SDK2: variants seen among roughly 807,000 people sequenced by gnomAD.
SDK2 encodes protein sidekick-2.
SDK2 carries 105 observed loss-of-function variants against 253.9 expected under a neutral mutation model. The ratio of observed to expected loss-of-function variants is 0.41; its 90% CI spans 0.35 to 0.49. SDK2 has a LOEUF of 0.49. Among genes scored for constraint, SDK2 ranks in the 20% least tolerant of loss-of-function variants. The pLI is 0.06. For synonymous variants in SDK2, 1,249 were observed against 1,234.9 expected (o/e 1.01, Z -0.24); for missense variants, 2,608 against 3,003.0 (o/e 0.87, Z 3.07).
rs538830496 is a variant in SDK2, at chr17:73,362,898, G to C, written c.5306-1053C>G. Among the ~76,000 whole-genome samples the C allele has an allele frequency of 4.0e-3, 616 of 152,364 alleles. 3 individuals are homozygous for C. The highest frequency in any genetic ancestry group is 6.9e-3 in the Non-Finnish European group (471 of 68,040). ...GCACGCCAGTCACCAGTGAAAGACA[G>C]GCCTTGCAGCCAATAGGCTGGGCTC... On this transcript the variant is annotated intron_variant, in intron 38 of 44. Transcript: ENST00000392650.
At chr17:73,596,245 G>A (rs1300775772) in intron 1 of SDK2, among the ~76,000 whole-genome samples, 1 of 152,130 alleles carries the variant, frequency 6.6e-6, no homozygotes, top group Non-Finnish European at 1.5e-5. Context: ...GGGAGGCAGT[G>A]GCGACCTCTA....
chr17:73,456,601 G>A (rs1425573968), intron 3 of SDK2, among the ~76,000 whole-genome samples: 2 of 152,162 alleles, frequency 1.3e-5, no homozygotes, highest in African/African-American at 4.8e-5. Context: ...TGCAGACAGC[G>A]TTTCTCTCCT....
At position 73,338,239 on chromosome 17, in the gene SDK2, G is replaced by A; in HGVS notation, c.*348C>T. ...TTCTTCCCTCGGCCACGCCTGCCTGGCGGCCTCCAGTCCTTAGCCTCCGCT... is the reference window on the plus strand; with the variant it reads ...TTCTTCCCTCGGCCACGCCTGCCTGACGGCCTCCAGTCCTTAGCCTCCGCT... On this transcript the variant is annotated 3_prime_UTR_variant, in exon 45 of 45. Coordinates refer to ENST00000392650, the MANE Select transcript of SDK2 (RefSeq NM_001144952.2). This position sits in a 1 kb window ranked among gnomAD's most constrained non-coding sequence, Gnocchi z 5.0. 1 of 422,172 alleles carries A rather than the reference G, an allele frequency of 2.4e-6. No homozygotes were observed. The highest frequency in any genetic ancestry group is 4.6e-6 in the Non-Finnish European group (1 of 218,904). The allele number at this position is 422,172 out of a possible 1,614,324, so 26.2% of individuals were successfully genotyped here. A position where few individuals can be genotyped will look rare whatever the true frequency, so the allele number is the denominator to read the frequency against.
chr17:73,458,283 C>G (rs933499853), intron 3 of SDK2, among the ~76,000 whole-genome samples: 38 of 152,296 alleles, frequency 2.5e-4, no homozygotes, highest in African/African-American at 8.2e-4. Flanking sequence ...GTAGTTCCAA[C>G]GTGAGCTAAG....
At chr17:73,426,208 CTTTT>C (rs751417057) in intron 12 of SDK2, among the ~76,000 whole-genome samples, 96 of 29,156 alleles carry the variant, frequency 3.3e-3, no homozygotes, top group African/African-American at 6.1e-3. Flanking sequence ...CCATGCTGGG[CTTTT>C]TTTTTTTTTT....
At chr17:73,486,488 T>C (rs1202646983) in intron 2 of SDK2, among the ~76,000 whole-genome samples, 1 of 151,882 alleles carries the variant, frequency 6.6e-6, no homozygotes, top group Non-Finnish European at 1.5e-5. Flanking sequence ...TATGTGCTTG[T>C]AGTCCCAGCT....
At chr17:73,503,229 T>C (rs2063904074) in intron 2 of SDK2, among the ~76,000 whole-genome samples, 1 of 152,214 alleles carries the variant, frequency 6.6e-6, no homozygotes, top group Non-Finnish European at 1.5e-5. Context: ...ACCATGGCCA[T>C]GAAGGACACT....
intron 40 of SDK2, among the ~76,000 whole-genome samples, chr17:73,356,322 G>C (rs1250597715): frequency 6.6e-6 from 1 of 152,160 alleles, no homozygotes; most frequent in Non-Finnish European, 1.5e-5. Context: ...AAAGGGTGGG[G>C]CTGAGTCAAC....
intron 12 of SDK2, 84 bp downstream of exon 12, chr17:73,430,427 C>T (rs1181496181): frequency 3.8e-6 from 4 of 1,045,928 alleles, no homozygotes; most frequent in Admixed American, 4.1e-5. Context: ...TGTTACCTCC[C>T]TAATGTGGAC....
intron 1 of SDK2, among the ~76,000 whole-genome samples, chr17:73,544,212 G>A (rs2044918857): frequency 6.6e-6 from 1 of 152,230 alleles, no homozygotes; most frequent in Non-Finnish European, 1.5e-5. Flanking sequence ...AAACTGTGAA[G>A]CTGGCCTGGC....
At chr17:73,415,697 C>T in intron 17 of SDK2, 114 bp downstream of exon 17, 1 of 917,296 alleles carries the variant, frequency 1.1e-6, no homozygotes, top group South Asian at 1.7e-5. Context: ...CTATGTTGCC[C>T]AGGCTGGCTT....
intron 1 of SDK2, among the ~76,000 whole-genome samples, chr17:73,579,760 T>C (rs1295011632): frequency 6.6e-6 from 1 of 152,154 alleles, no homozygotes; most frequent in Non-Finnish European, 1.5e-5. Flanking sequence ...GTGGATCACC[T>C]GAGGTCGGGA....
chr17:73,419,730 C>CAAAAAAAA (rs1335442338), intron 15 of SDK2, among the ~76,000 whole-genome samples: 1 of 25,948 alleles, frequency 3.9e-5, no homozygotes, highest in South Asian at 7.8e-4. Flanking sequence ...AAAAAAAACC[C>CAAAAAAAA]AAAAAAACTC....
At chr17:73,579,991 G>GAAA (rs59008482) in intron 1 of SDK2, among the ~76,000 whole-genome samples, 3 of 127,182 alleles carry the variant, frequency 2.4e-5, no homozygotes, top group Admixed American at 8.3e-5. Flanking sequence ...AAAGAAAAAA[G>GAAA]AAAAAAAAAA....
In SDK2 at chr17:73,365,307, G is replaced by T; in HGVS notation, c.5256C>A (p.Gly1752=). 1 of 1,613,370 alleles carries T rather than the reference G, an allele frequency of 6.2e-7. No individual in the cohort carries two copies. Among genetic ancestry groups the T allele is most frequent in the Non-Finnish European group, 8.5e-7 (1 of 1,179,636 alleles). Residue 1752 remains glycine (G), a synonymous_variant, in exon 38 of 45, where the codon GGC becomes GGA. Transcript: ENST00000392650. ...VSWEAPQFPN[G]ILEGYRLVYE... Reference sequence around the variant, plus strand: ...ACACCAGCCTGTAGCCCTCCAGGATGCCATTGGGGAACTGCGGGGCTTCCC... The same window carrying T: ...ACACCAGCCTGTAGCCCTCCAGGATTCCATTGGGGAACTGCGGGGCTTCCC...
In SDK2 at chr17:73,390,291, C is replaced by T; in HGVS notation, c.4188G>A (p.Lys1396=). 2 of 1,578,820 alleles carry T rather than the reference C, an allele frequency of 1.3e-6. No homozygotes were observed. Among genetic ancestry groups the T allele is most frequent in the East Asian group, 2.3e-5 (1 of 44,340 alleles). ...CTGGCCCCCGTGGGCAGTCACCTCT[C>T]TTCTCGGTGGTCACCACCAAGGCCT... ...AAEALVVTTE[K]RDRPQPPSRP... The change falls in exon 29 of 45, where the codon AAG becomes AAA. Residue 1396 remains lysine (K), a synonymous_variant. Coordinates refer to ENST00000392650, the MANE Select transcript of SDK2 (RefSeq NM_001144952.2).
chr17:73,562,456 C>T (rs193102108), intron 1 of SDK2, among the ~76,000 whole-genome samples: 1 of 152,336 alleles, frequency 6.6e-6, no homozygotes, highest in East Asian at 1.9e-4. Context: ...GTTCCTCCCA[C>T]CTCCCTCCAG....
At chr17:73,359,432 G>A (rs955279759) in intron 39 of SDK2, among the ~76,000 whole-genome samples, 2 of 152,312 alleles carry the variant, frequency 1.3e-5, no homozygotes, top group South Asian at 4.1e-4. Context: ...GAGTAACTGC[G>A]GGGTCAGGTG....
Position 73,523,181 on chromosome 17 carries a change from T to C in SDK2, c.65-15584A>G, listed in dbSNP as rs912192967. Among the ~76,000 whole-genome samples, 4 of 152,134 alleles carry C rather than the reference T, an allele frequency of 2.6e-5. No individual in the cohort carries two copies. In the East Asian group the frequency reaches 5.8e-4, roughly 22 times the overall value. On this transcript the variant is annotated intron_variant, in intron 1 of 44. Coordinates refer to ENST00000392650, the MANE Select transcript of SDK2 (RefSeq NM_001144952.2). The stretch of plus-strand genomic sequence containing the variant: ...CCACCTGTTAAAATGGGCATGAAGG[T>C]TTCACAGTCACCTGCTGTCCCCTTC...
Sources: gnomAD v4.1 joint callset for allele counts (sites outside exome capture counted in the v4.1 genomes callset) on GRCh38, gnomAD v4.1.1 for gene constraint, Gnocchi (gnomAD v3.1) non-coding constraint, MANE v1.5 for transcripts, NCBI Gene and HGNC (gene_info 2026-07-23, HGNC 2026-07-21) for gene names.